The following NPIPB11 variants were observed in gnomAD, a reference collection of about 807,000 sequenced individuals.
NPIPB11 encodes nuclear pore complex-interacting protein family member B11.
NPIPB11 carries 17 observed loss-of-function variants against 32.8 expected under a neutral mutation model. The ratio of observed to expected loss-of-function variants is 0.52; its 90% CI spans 0.35 to 0.78. The LOEUF (loss-of-function observed/expected upper bound fraction) is 0.78. NPIPB11 is among the 30% of genes least tolerant of loss of function. NPIPB11 has a pLI of 0.01. For missense variants in NPIPB11, 537 were observed against 1,000.4 expected (o/e 0.54, Z 6.25); for synonymous variants, 209 against 398.4 (o/e 0.52, Z 5.66).
At chr16:29,399,087 A>C (rs975292415) in intron 2 of NPIPB11, among the ~76,000 whole-genome samples, 11 of 150,842 alleles carry the variant, frequency 7.3e-5, no homozygotes, top group Non-Finnish European at 1.6e-4. Context: ...AGGGCTTGGC[A>C]GCATCATGTG....
chr16:29,391,620 A>G (rs918646353), intron 3 of NPIPB11, among the ~76,000 whole-genome samples: 5 of 151,992 alleles, frequency 3.3e-5, no homozygotes, highest in Non-Finnish European at 5.9e-5. Flanking sequence ...TATGCTTTTA[A>G]TCTTCTAAGA....
chr16:29,406,524 C>A (rs1291470359), upstream of NPIPB11, among the ~76,000 whole-genome samples: 3 of 152,142 alleles, frequency 2.0e-5, no homozygotes, highest in Non-Finnish European at 4.4e-5. Flanking sequence ...TCCAGACCAG[C>A]CTAATAGAGT....
At chr16:29,403,471 T>G (rs2142141914) in intron 2 of NPIPB11, among the ~76,000 whole-genome samples, 1 of 137,952 alleles carries the variant, frequency 7.2e-6, no homozygotes, top group South Asian at 2.5e-4. Flanking sequence ...AATGATTCCT[T>G]TTGAGTTTCT....
chr16:29,389,280 T>G (rs1040362752), intron 5 of NPIPB11, among the ~76,000 whole-genome samples: 3 of 147,490 alleles, frequency 2.0e-5, no homozygotes, highest in African/African-American at 7.6e-5. Context: ...CAGAATTGCT[T>G]CAAACTGGGA....
chr16:29,396,624 G>T (rs1339983661), intron 2 of NPIPB11, among the ~76,000 whole-genome samples: 2 of 150,786 alleles, frequency 1.3e-5, no homozygotes, highest in African/African-American at 2.4e-5. Flanking sequence ...AGCTGGGAGT[G>T]GTGGCACATG....
At chr16:29,382,281 C>T (rs75787782) in exon 8 of NPIPB11, 12 of 1,603,234 alleles carry the variant, frequency 7.5e-6, no homozygotes, top group East Asian at 4.5e-5. Context: ...AACCCACAGA[C>T]GCTCCCCGCA....
At chr16:29,404,050 TC>T (rs1964058950), upstream of NPIPB11, 2 of 357,566 alleles carry the variant, frequency 5.6e-6, no homozygotes, top group East Asian at 1.0e-4. Flanking sequence ...CATTCGTCAT[TC>T]AGTTTCTCTC....
At chr16:29,384,041 C>A in exon 8 of NPIPB11, 1 of 1,165,172 alleles carries the variant, frequency 8.6e-7, no homozygotes, top group South Asian at 1.4e-5. Flanking sequence ...GATTATCATC[C>A]GCTGAGGGTG....
chr16:29,395,224 A>G (rs1205460758), intron 2 of NPIPB11, among the ~76,000 whole-genome samples: 5 of 56,740 alleles, frequency 8.8e-5, no homozygotes, highest in South Asian at 6.6e-4. Flanking sequence ...TTGCAGTGGC[A>G]TGATCTCAGC....
chr16:29,393,815 T>C, intron 3 of NPIPB11, 133 bp downstream of exon 3: 2 of 1,225,610 alleles, frequency 1.6e-6, no homozygotes, highest in South Asian at 1.7e-5. Context: ...ATTCTTATGC[T>C]AATAAATCAT....
At chr16:29,401,580 T>C (rs1180310686) in intron 2 of NPIPB11, among the ~76,000 whole-genome samples, 1 of 152,156 alleles carries the variant, frequency 6.6e-6, no homozygotes, top group East Asian at 1.9e-4. Flanking sequence ...CAGTCTCCCA[T>C]GTAGGCTGAC....
At chr16:29,389,664 T>C (rs1963661314) in intron 5 of NPIPB11, among the ~76,000 whole-genome samples, 1 of 41,970 alleles carries the variant, frequency 2.4e-5, no homozygotes, top group Non-Finnish European at 3.6e-5. Context: ...AAGCTCCATC[T>C]CAGGAAAAAA....
At chr16:29,397,675 C>T (rs891094485) in intron 2 of NPIPB11, 3 of 1,203,946 alleles carry the variant, frequency 2.5e-6, no homozygotes, top group South Asian at 2.6e-5. Context: ...CTGAGGCGTC[C>T]AGGACAGAGG....
chr16:29,401,881 G>A (rs1964000201), intron 2 of NPIPB11, among the ~76,000 whole-genome samples: 1 of 151,650 alleles, frequency 6.6e-6, no homozygotes, highest in South Asian at 2.1e-4. Flanking sequence ...GCATGGGCAA[G>A]AAAAGAGCCT....
At chr16:29,393,912 T>G (rs1440458618) in intron 3 of NPIPB11, 36 bp downstream of exon 3, 4 of 1,490,986 alleles carry the variant, frequency 2.7e-6, no homozygotes, top group Non-Finnish European at 3.6e-6. Context: ...TATTTGTGAT[T>G]ACAAGTATAC....
At chr16:29,389,477 C>A (rs1027892106) in intron 5 of NPIPB11, among the ~76,000 whole-genome samples, 1 of 147,378 alleles carries the variant, frequency 6.8e-6, no homozygotes, top group Non-Finnish European at 1.5e-5. Flanking sequence ...AGTTCGAGAC[C>A]AGCCTGGACA....
At chr16:29,391,633 T>C (rs1316465795) in intron 3 of NPIPB11, among the ~76,000 whole-genome samples, 1 of 152,068 alleles carries the variant, frequency 6.6e-6, no homozygotes, top group Non-Finnish European at 1.5e-5. Flanking sequence ...TTCTAAGACA[T>C]TAAATATTTC....
exon 8 of NPIPB11, chr16:29,382,994 G>C: frequency 6.2e-7 from 1 of 1,603,024 alleles, no homozygotes; most frequent in Non-Finnish European, 8.5e-7. Context: ...GTGAGCTGAC[G>C]CTCGGAAGGT....
chr16:29,382,961 G>T (rs1963523885), exon 8 of NPIPB11: 2 of 891,064 alleles, frequency 2.2e-6, no homozygotes, highest in East Asian at 2.6e-5. Context: ...TCTGCTGAGG[G>T]TGGAGCTGAG....
Sources: allele counts gnomAD v4.1 joint callset (sites outside exome capture counted in the v4.1 genomes callset), GRCh38; gene constraint gnomAD v4.1.1; transcripts MANE v1.5; gene names NCBI Gene and HGNC (gene_info 2026-07-23, HGNC 2026-07-21).